Variants in MAX observed in about 807,000 individuals in gnomAD.
The protein encoded by MAX is MYC associated transcriptional regulator X.
A neutral mutation model predicts 22.3 loss-of-function variants in MAX; 3 were observed. The ratio of observed to expected loss-of-function variants is 0.13; its 90% confidence interval spans 0.06 to 0.35. MAX has a LOEUF of 0.35. Among genes scored for constraint, MAX ranks in the 10% least tolerant of loss-of-function variants. MAX has a pLI of 1.00. For synonymous variants in MAX, 72 were observed against 77.7 expected (o/e 0.93, Z 0.39); for missense variants, 119 against 209.4 (o/e 0.57, Z 2.66).
At position 65,079,654 on chromosome 14, in the gene MAX, A is replaced by G. The variant is rs1344576183; in HGVS notation, c.172-1618T>C. 6.6e-6 allele frequency among the ~76,000 whole-genome samples: 1 copy of G among 152,208 alleles called. No individual in the cohort carries two copies. Among genetic ancestry groups the G allele is most frequent in the Non-Finnish European group, 1.5e-5 (1 of 68,042 alleles). Reference sequence around the variant, plus strand: ...CTTGACAATTCTGTATTACAAGCCCAATGGGTCCTAAACAACCAGAACACA... The same window carrying G: ...CTTGACAATTCTGTATTACAAGCCCGATGGGTCCTAAACAACCAGAACACA... On this transcript the variant is annotated intron_variant, in intron 3 of 4. Transcript: ENST00000358664. The surrounding 1 kb of genome is among the most constrained non-coding windows in gnomAD (Gnocchi z 4.5).
intron 3 of MAX, among the ~76,000 whole-genome samples, chr14:65,013,188 A>C (rs897233409): frequency 4.6e-5 from 7 of 152,234 alleles, no homozygotes; most frequent in African/African-American, 1.7e-4. Flanking sequence ...TGTAGGGCCC[A>C]GGCAGGCAGC....
chr14:65,074,362 G>A (rs1272746261), downstream of MAX, among the ~76,000 whole-genome samples: 6 of 152,050 alleles, frequency 3.9e-5, no homozygotes, highest in Admixed American at 3.9e-4. Flanking sequence ...GCCTTTGGAG[G>A]CTTGATCATG....
chr14:65,044,623 C>G lies in MAX; in HGVS notation c.172-38339G>C. ...GCGAATGCAGAGTAAGATTTAGTTT[C>G]ATTGGTTTAGTGTCATTCTTTGCTT... is the stretch of plus-strand genomic sequence containing the variant. On this transcript the variant is annotated intron_variant, in intron 3 of 3. Transcript: ENST00000341653. The surrounding 1 kb of genome is among the most constrained non-coding windows in gnomAD (Gnocchi z 5.5). 1.1e-6 allele frequency: 1 copy of G among 932,228 alleles called. No homozygotes were observed. Among genetic ancestry groups the G allele is most frequent in the Non-Finnish European group, 1.5e-6 (1 of 665,722 alleles). 57.7% of individuals were successfully genotyped at this position (932,228 alleles called of 1,614,324 possible). A position where few individuals can be genotyped will look rare whatever the true frequency, so the allele number is the denominator to read the frequency against.
downstream of MAX, among the ~76,000 whole-genome samples, chr14:65,070,275 C>T (rs144547585): frequency 1.3e-5 from 2 of 152,304 alleles, no homozygotes; most frequent in East Asian, 3.9e-4. This position sits in a 1 kb window ranked among gnomAD's most constrained non-coding sequence, Gnocchi z 4.4. Context: ...CTTAATCCTT[C>T]ACCATGTTCA....
At chr14:65,040,329 A>G (rs192304771) in intron 3 of MAX, among the ~76,000 whole-genome samples, 201 of 150,056 alleles carry the variant, frequency 1.3e-3, no homozygotes, top group East Asian at 0.011. Context: ...ACATATATGT[A>G]TATGTATGAT....
Position 65,054,529 on chromosome 14 carries a change from T to G in MAX, c.171+39179A>C, listed in dbSNP as rs749685140. 1.1e-5 allele frequency: 17 copies of G among 1,567,334 alleles called. No homozygotes were observed. The highest frequency in any genetic ancestry group is 1.5e-5 in the Non-Finnish European group (17 of 1,150,476). The stretch of plus-strand genomic sequence containing the variant: ...ATTGGTGTGGCTACATTTGTAGATG[T>G]GTGCGGAGCAGAGGAGCGCCTGCTC... On this transcript the variant is annotated intron_variant, in intron 3 of 3. Coordinates refer to the MAX transcript ENST00000341653. The surrounding 1 kb of genome is among the most constrained non-coding windows in gnomAD (Gnocchi z 4.4).
rs371596429 is a variant in MAX, at chr14:65,040,808, T to A, written c.172-34524A>T. Reference sequence around the variant, plus strand: ...TTCTTAGGTGTCAGAACTGGGAAGGTGGCATTGGCGGGGTACCAGGGATGG... The same window carrying A: ...TTCTTAGGTGTCAGAACTGGGAAGGAGGCATTGGCGGGGTACCAGGGATGG... On this transcript the variant is annotated intron_variant, in intron 3 of 3. Transcript: ENST00000341653. 6.2e-6 allele frequency: 10 copies of A among 1,613,232 alleles called. No individual in the cohort carries two copies. In the African/African-American group the frequency reaches 1.3e-4, roughly 22 times the overall value.
At chr14:65,083,974 A>G (rs1566608058) in intron 3 of MAX, 1 of 1,431,932 alleles carries the variant, frequency 7.0e-7, no homozygotes, top group Non-Finnish European at 9.2e-7. Flanking sequence ...ATGGAACCCC[A>G]TCAATGCCAG....
Position 65,077,697 on chromosome 14 carries a change from G to T in MAX, c.295+216C>A. ...CCAGAAAAGATACAAGTCTCCAGAT[G>T]TCCAACTTCCTAGCTTCCACTGTCT... is the stretch of plus-strand genomic sequence containing the variant. On this transcript the variant is annotated intron_variant, in intron 4 of 4. Coordinates refer to ENST00000358664, the MANE Select transcript of MAX (RefSeq NM_002382.5). This position sits in a 1 kb window ranked among gnomAD's most constrained non-coding sequence, Gnocchi z 6.3. The T allele has an allele frequency of 6.4e-7, 1 of 1,558,566 alleles. No individual in the cohort carries two copies. Among genetic ancestry groups the T allele is most frequent in the African/African-American group, 1.4e-5 (1 of 73,494 alleles).
At chr14:65,094,936 T>C (rs2063617547) in intron 2 of MAX, among the ~76,000 whole-genome samples, 1 of 152,206 alleles carries the variant, frequency 6.6e-6, no homozygotes, top group Admixed American at 6.5e-5. Flanking sequence ...GAAGTTCAGG[T>C]AGCTTAAATC....
At chr14:65,015,807 T>C (rs1474344345) in intron 3 of MAX, 18 of 1,469,858 alleles carry the variant, frequency 1.2e-5, no homozygotes, top group Non-Finnish European at 1.7e-5. Flanking sequence ...TTGTTTGGAA[T>C]GGAAAAAAAC....
chr14:65,100,193 TGTA>T, intron 2 of MAX, among the ~76,000 whole-genome samples: 1 of 152,314 alleles, frequency 6.6e-6, no homozygotes, highest in South Asian at 2.1e-4. Flanking sequence ...GGCTCATGCC[TGTA>T]ATCCCAGCAC....
intron 3 of MAX, among the ~76,000 whole-genome samples, chr14:65,066,923 C>T (rs1455388475): frequency 2.0e-5 from 3 of 149,784 alleles, no homozygotes; most frequent in Non-Finnish European, 4.4e-5. Flanking sequence ...TGACTGTAAT[C>T]CCAACACTTT....
chr14:65,039,800 C>T (rs1047760420), intron 3 of MAX, among the ~76,000 whole-genome samples: 16 of 152,024 alleles, frequency 1.1e-4, no homozygotes, highest in African/African-American at 3.6e-4. Context: ...TTAAAAATAA[C>T]GTTTATTTTT....
chr14:65,083,796 A>C (rs2063254956), intron 3 of MAX: 1 of 1,123,828 alleles, frequency 8.9e-7, no homozygotes, highest in Admixed American at 4.5e-5. Context: ...AGAAAATGAA[A>C]CCATTTATTT....
Position 65,102,313 on chromosome 14 carries a change from C to T in MAX, c.27G>A (p.Val9=), listed in dbSNP as rs1291019200. MSDNDDIE[V]ESDEEQPRFQ... The stretch of plus-strand genomic sequence containing the variant: ...AAGCCCCAGGACTCACGTCGCTCTC[C>T]ACCTCGATGTCATCGTTATCGCTCA... The change falls in exon 1 of 5, where the codon GTG becomes GTA. Residue 9 remains valine (V), a synonymous_variant. Coordinates refer to ENST00000358664, the MANE Select transcript of MAX (RefSeq NM_002382.5). The T allele has an allele frequency of 6.2e-7, 1 of 1,613,864 alleles. No homozygotes were observed. Among genetic ancestry groups the T allele is most frequent in the South Asian group, 1.1e-5 (1 of 91,058 alleles).
intron 2 of MAX, among the ~76,000 whole-genome samples, chr14:65,097,954 T>C (rs71420489): frequency 6.6e-6 from 1 of 152,228 alleles, no homozygotes; most frequent in Non-Finnish European, 1.5e-5. Flanking sequence ...TATGTATTTG[T>C]TTTCAAACTT....
chr14:65,085,156 CT>C (rs1360559300), intron 3 of MAX, among the ~76,000 whole-genome samples: 1 of 152,168 alleles, frequency 6.6e-6, no homozygotes, highest in African/African-American at 2.4e-5. Context: ...ATCATACTTA[CT>C]TTTGAATATT....
intron 1 of MAX, 62 bp downstream of exon 1, chr14:65,102,242 G>C: frequency 6.2e-7 from 1 of 1,606,406 alleles, no homozygotes; most frequent in East Asian, 2.3e-5. Context: ...GCCCCGCTAA[G>C]AGCCCCGGCC....
Sources: allele counts gnomAD v4.1 joint callset (sites outside exome capture counted in the v4.1 genomes callset), GRCh38; gene constraint gnomAD v4.1.1; non-coding constraint Gnocchi (gnomAD v3.1); transcripts MANE v1.5; gene names NCBI Gene and HGNC (gene_info 2026-07-23, HGNC 2026-07-21).